Variants in MB21D2 observed in about 807,000 individuals in gnomAD.
MB21D2 encodes the protein Mab-21 domain containing 2.
MB21D2 carries 9 observed loss-of-function variants against 33.3 expected under a neutral mutation model. That is an observed-to-expected ratio of 0.27 (90% CI 0.16 to 0.47). The LOEUF (loss-of-function observed/expected upper bound fraction) is 0.47, where lower values mean the gene tolerates loss of function less well. MB21D2 is among the 20% of genes least tolerant of loss of function. MB21D2 has a pLI of 0.99. For synonymous variants in MB21D2, 241 were observed against 236.3 expected (o/e 1.02, Z -0.18); for missense variants, 540 against 624.6 (o/e 0.86, Z 1.44).
At chr3:192,908,353 A>C (rs1714255936) in intron 1 of MB21D2, among the ~76,000 whole-genome samples, 1 of 152,016 alleles carries the variant, frequency 6.6e-6, no homozygotes, top group Admixed American at 6.6e-5. Context: ...AGGGCCACAA[A>C]AGGGACCAGG....
intron 1 of MB21D2, among the ~76,000 whole-genome samples, chr3:192,808,709 G>A (rs188852447): frequency 6.6e-6 from 1 of 152,282 alleles, no homozygotes; most frequent in African/African-American, 2.4e-5. Context: ...GACTTCTATA[G>A]CCACCTATGA....
At chr3:192,823,751 G>T (rs894299278) in intron 1 of MB21D2, among the ~76,000 whole-genome samples, 1 of 152,132 alleles carries the variant, frequency 6.6e-6, no homozygotes, top group East Asian at 1.9e-4. Flanking sequence ...ATATTCATGT[G>T]TGTAAAAGGT....
At chr3:192,871,776 G>C (rs1656750596) in intron 1 of MB21D2, among the ~76,000 whole-genome samples, 2 of 152,098 alleles carry the variant, frequency 1.3e-5, no homozygotes, top group South Asian at 4.2e-4. Flanking sequence ...TTTAACTATA[G>C]AGGGAAGTGA....
intron 1 of MB21D2, among the ~76,000 whole-genome samples, chr3:192,815,303 G>A (rs1375526950): frequency 6.6e-6 from 1 of 152,142 alleles, no homozygotes; most frequent in African/African-American, 2.4e-5. Context: ...CACTGAACCT[G>A]GCACAGGTGC....
intron 1 of MB21D2, among the ~76,000 whole-genome samples, chr3:192,850,046 G>C (rs1341524771): frequency 2.0e-5 from 3 of 151,850 alleles, no homozygotes; most frequent in Non-Finnish European, 4.4e-5. Flanking sequence ...AGCTTCCTGA[G>C]TAGCTGGGAC....
chr3:192,804,103 G>A (rs923765679), intron 1 of MB21D2, among the ~76,000 whole-genome samples: 12 of 152,000 alleles, frequency 7.9e-5, no homozygotes, highest in African/African-American at 2.9e-4. Flanking sequence ...AGATACTCAG[G>A]TCCTAAGTTT....
chr3:192,817,431 G>T (rs1711952287), intron 1 of MB21D2, among the ~76,000 whole-genome samples: 1 of 143,574 alleles, frequency 7.0e-6, no homozygotes, highest in Non-Finnish European at 1.5e-5. Flanking sequence ...AGGGAAGGAA[G>T]AAGGGAAAGA....
Position 192,798,400 on chromosome 3 carries a change from C to T in MB21D2, c.1462G>A (p.Asp488Asn). 6.2e-7 allele frequency: 1 copy of T among 1,612,964 alleles called. No homozygotes were observed. Among genetic ancestry groups the T allele is most frequent in the East Asian group, 2.2e-5 (1 of 44,874 alleles). ...DVTRPHFRID[D>N]KFF is the part of the protein sequence containing the mutation. ...TCAGCTAACACTCAGAAAAATTTGTCATCAATTCTGAAATGGGGCCTTGTG... is the reference window on the plus strand; with the variant it reads ...TCAGCTAACACTCAGAAAAATTTGTTATCAATTCTGAAATGGGGCCTTGTG... Residue 488 changes from aspartate to asparagine, a missense_variant, in exon 2 of 2, where the codon GAC (aspartate) becomes AAC (asparagine). Coordinates refer to ENST00000392452, the MANE Select transcript of MB21D2 (RefSeq NM_178496.4). The surrounding 1 kb of genome is among the most constrained non-coding windows in gnomAD (Gnocchi z 4.8).
At chr3:192,807,983 C>A (rs545135499) in intron 1 of MB21D2, among the ~76,000 whole-genome samples, 1 of 151,912 alleles carries the variant, frequency 6.6e-6, no homozygotes, top group South Asian at 2.1e-4. Context: ...GGATTGGGGG[C>A]GCTTTTCTTT....
intron 1 of MB21D2, among the ~76,000 whole-genome samples, chr3:192,880,008 G>A (rs1459486822): frequency 6.6e-6 from 1 of 152,084 alleles, no homozygotes; most frequent in Non-Finnish European, 1.5e-5. Flanking sequence ...AAGAGAAATG[G>A]CAGGATTTCT....
intron 1 of MB21D2, among the ~76,000 whole-genome samples, chr3:192,817,158 A>G (rs1711944842): frequency 6.6e-6 from 1 of 152,064 alleles, no homozygotes; most frequent in Non-Finnish European, 1.5e-5. Flanking sequence ...TTTAGTTTTT[A>G]TTTAGTAATG....
At chr3:192,875,801 G>A (rs1713415962) in intron 1 of MB21D2, among the ~76,000 whole-genome samples, 1 of 152,140 alleles carries the variant, frequency 6.6e-6, no homozygotes, top group South Asian at 2.1e-4. Flanking sequence ...AGGGCAGGTG[G>A]AATCAAATGA....
chr3:192,814,781 C>T (rs1302845934), intron 1 of MB21D2, among the ~76,000 whole-genome samples: 2 of 151,370 alleles, frequency 1.3e-5, no homozygotes, highest in African/African-American at 2.4e-5. Context: ...AGGAGAATGG[C>T]GTGAACCCAG....
intron 1 of MB21D2, among the ~76,000 whole-genome samples, chr3:192,914,756 G>A (rs1279643874): frequency 6.6e-6 from 1 of 152,060 alleles, no homozygotes; most frequent in African/African-American, 2.4e-5. Flanking sequence ...CATCAGGACA[G>A]ACCCCAGAGA....
chr3:192,805,767 A>G (rs2108610035), intron 1 of MB21D2, among the ~76,000 whole-genome samples: 1 of 152,366 alleles, frequency 6.6e-6, no homozygotes, highest in South Asian at 2.1e-4. Context: ...GTAAACGCAT[A>G]TAAAAACCCA....
chr3:192,892,229 T>G (rs1056698844), intron 1 of MB21D2, among the ~76,000 whole-genome samples: 1 of 152,178 alleles, frequency 6.6e-6, no homozygotes, highest in Non-Finnish European at 1.5e-5. Flanking sequence ...CCAACGTGCT[T>G]TCACACCCAG....
chr3:192,800,996 G>T (rs1286142341), intron 1 of MB21D2, among the ~76,000 whole-genome samples: 1 of 152,172 alleles, frequency 6.6e-6, no homozygotes, highest in Non-Finnish European at 1.5e-5. Flanking sequence ...AATTGGCGAT[G>T]ATATTAACAA....
intron 1 of MB21D2, among the ~76,000 whole-genome samples, chr3:192,821,200 A>G (rs1212237311): frequency 1.3e-5 from 2 of 152,214 alleles, no homozygotes; most frequent in African/African-American, 2.4e-5. Context: ...TTGGGCCAAA[A>G]GGTTTCTTGT....
At chr3:192,910,530 T>G (rs946097138) in intron 1 of MB21D2, among the ~76,000 whole-genome samples, 4 of 152,144 alleles carry the variant, frequency 2.6e-5, no homozygotes, top group Non-Finnish European at 4.4e-5. Context: ...GAAATGCATC[T>G]TCTTTGGAAT....
Sources: gnomAD v4.1 joint callset for allele counts (sites outside exome capture counted in the v4.1 genomes callset) on GRCh38, gnomAD v4.1.1 for gene constraint, Gnocchi (gnomAD v3.1) non-coding constraint, MANE v1.5 for transcripts, NCBI Gene and HGNC (gene_info 2026-07-23, HGNC 2026-07-21) for gene names.